The following KIZ variants were observed in gnomAD, a reference collection of about 807,000 sequenced individuals.
KIZ encodes centrosomal protein kizuna.
KIZ carries 68 observed loss-of-function variants against 79.6 expected under a neutral mutation model. The observed-to-expected ratio is 0.85, with a 90% CI of 0.70 to 1.05. The LOEUF is 1.05. Ranked by LOEUF, KIZ falls within the 50% of genes least tolerant of loss-of-function variation. The pLI, the probability that KIZ is intolerant of heterozygous loss-of-function variation, is 0.00. For missense variants in KIZ, 797 were observed against 800.4 expected (o/e 1.00, Z 0.05); for synonymous variants, 280 against 281.8 (o/e 0.99, Z 0.06).
chr20:21,146,490 T>A lies in KIZ; in HGVS notation c.405+836T>A, dbSNP rs912534925. ...ATATTTAATGCTTTCCTTGGAAGAG[T>A]GTGTGTGCTACAGATTGATAGAAGA... On this transcript the variant is annotated intron_variant, in intron 4 of 12. Coordinates refer to ENST00000619189, the MANE Select transcript of KIZ (RefSeq NM_018474.6). Among the ~76,000 whole-genome samples the A allele has an allele frequency of 8.5e-5, 13 of 152,262 alleles. No individual in the cohort carries two copies. In the East Asian group the frequency reaches 2.3e-3, roughly 27 times the overall value.
chr20:21,230,700 T>G (rs944900274), intron 10 of KIZ, among the ~76,000 whole-genome samples: 1 of 152,222 alleles, frequency 6.6e-6, no homozygotes, highest in African/African-American at 2.4e-5. Context: ...CCGGCCATTG[T>G]GGTGTTAGTG....
At chr20:21,178,637 C>T (rs1310779257) in intron 6 of KIZ, among the ~76,000 whole-genome samples, 1 of 152,118 alleles carries the variant, frequency 6.6e-6, no homozygotes, top group Non-Finnish European at 1.5e-5. Context: ...AGTGGGCATC[C>T]TTGTCTTGTT....
At chr20:21,186,653 C>T (rs930498306) in intron 6 of KIZ, among the ~76,000 whole-genome samples, 6 of 150,660 alleles carry the variant, frequency 4.0e-5, no homozygotes, top group Non-Finnish European at 7.4e-5. Flanking sequence ...GAGTAATTTT[C>T]CTAAGAACTT....
chr20:21,139,439 T>G (rs2032391911), intron 3 of KIZ, among the ~76,000 whole-genome samples: 1 of 152,176 alleles, frequency 6.6e-6, no homozygotes, highest in Non-Finnish European at 1.5e-5. Flanking sequence ...TCTTTTAGTA[T>G]TCATGAAAAA....
chr20:21,141,358 A>C (rs375303330), intron 3 of KIZ, among the ~76,000 whole-genome samples: 1 of 152,170 alleles, frequency 6.6e-6, no homozygotes, highest in Non-Finnish European at 1.5e-5. Flanking sequence ...CCTGGCGCCA[A>C]ATCCTACAGG....
At chr20:21,217,862 A>T (rs1405733270) in intron 9 of KIZ, among the ~76,000 whole-genome samples, 1 of 152,200 alleles carries the variant, frequency 6.6e-6, no homozygotes, top group Admixed American at 6.5e-5. Flanking sequence ...GAGGAGCCTC[A>T]CAAAGCAAAC....
At chr20:21,152,521 T>C (rs1381233573) in intron 4 of KIZ, among the ~76,000 whole-genome samples, 1 of 152,180 alleles carries the variant, frequency 6.6e-6, no homozygotes, top group East Asian at 1.9e-4. Flanking sequence ...GAGAGTTTTA[T>C]CCTGAGTTAC....
intron 9 of KIZ, chr20:21,218,638 A>T (rs1192054730): frequency 6.6e-6 from 1 of 152,206 alleles, no homozygotes; most frequent in Non-Finnish European, 1.5e-5. Context: ...TGAAAATGGA[A>T]TTCTTTCTGT....
intron 6 of KIZ, among the ~76,000 whole-genome samples, chr20:21,181,339 T>A (rs888665642): frequency 6.6e-6 from 1 of 152,216 alleles, no homozygotes; most frequent in Non-Finnish European, 1.5e-5. Context: ...TTAACTCAGA[T>A]TTTTTAAAAG....
intron 7 of KIZ, among the ~76,000 whole-genome samples, chr20:21,209,901 G>A (rs1188530905): frequency 1.0e-5 from 1 of 96,128 alleles, no homozygotes; most frequent in Non-Finnish European, 2.2e-5. Flanking sequence ...GCAGAAATTG[G>A]ATTTCTTTAG....
At chr20:21,154,304 T>A (rs1305554667) in intron 4 of KIZ, 2 of 152,224 alleles carry the variant, frequency 1.3e-5, no homozygotes, top group East Asian at 3.8e-4. Context: ...TGCCTTTAAA[T>A]GCTGTAGTTC....
At chr20:21,241,362 G>A (rs1032647951) in intron 11 of KIZ, among the ~76,000 whole-genome samples, 1 of 152,198 alleles carries the variant, frequency 6.6e-6, no homozygotes, top group African/African-American at 2.4e-5. Context: ...CCTTAGATAC[G>A]AGAGTGGAGA....
chr20:21,198,736 G>A (rs999924476), intron 6 of KIZ: 5 of 152,552 alleles, frequency 3.3e-5, no homozygotes, highest in Admixed American at 6.5e-5. Context: ...TACCTTCTGC[G>A]TCTGTACTAG....
At chr20:21,225,292 T>C (rs2036623199) in intron 9 of KIZ, among the ~76,000 whole-genome samples, 1 of 152,264 alleles carries the variant, frequency 6.6e-6, no homozygotes, top group African/African-American at 2.4e-5. Context: ...AGCATGCGTG[T>C]GTGTTTGTTT....
At chr20:21,129,749 G>A (rs1359963777) in intron 1 of KIZ, among the ~76,000 whole-genome samples, 4 of 150,336 alleles carry the variant, frequency 2.7e-5, no homozygotes, top group Non-Finnish European at 5.9e-5. Flanking sequence ...AAAAATGTGT[G>A]TATATATATA....
At chr20:21,201,788 C>T (rs2035610925) in intron 6 of KIZ, among the ~76,000 whole-genome samples, 1 of 152,178 alleles carries the variant, frequency 6.6e-6, no homozygotes, top group African/African-American at 2.4e-5. Flanking sequence ...AGAAAAATCT[C>T]CTTTAAATCC....
chr20:21,142,224 C>T (rs1388627947), intron 3 of KIZ, among the ~76,000 whole-genome samples: 1 of 152,072 alleles, frequency 6.6e-6, no homozygotes, highest in African/African-American at 2.4e-5. Flanking sequence ...AGGCCTTTTT[C>T]CCCCTGCCCT....
At chr20:21,162,789 G>A (rs2033739413) in intron 5 of KIZ, 61 bp from the exon 6 acceptor site, 18 of 1,336,254 alleles carry the variant, frequency 1.3e-5, no homozygotes, top group African/African-American at 4.4e-5. Flanking sequence ...ATTCTGCTGT[G>A]TGTTACCTTG....
chr20:21,168,318 CATT>C (rs1256726901), intron 6 of KIZ, among the ~76,000 whole-genome samples: 3 of 152,104 alleles, frequency 2.0e-5, no homozygotes, highest in Non-Finnish European at 4.4e-5. Context: ...TCCAGTCTGT[CATT>C]GTTGGACATT....
Sources: gnomAD v4.1 joint callset for allele counts (sites outside exome capture counted in the v4.1 genomes callset) on GRCh38, gnomAD v4.1.1 for gene constraint, MANE v1.5 for transcripts, NCBI Gene and HGNC (gene_info 2026-07-23, HGNC 2026-07-21) for gene names.